HAS2: variants seen among roughly 807,000 people sequenced by gnomAD.
HAS2 encodes hyaluronan synthase 2.
Under a neutral mutation model 51.6 loss-of-function variants are expected in HAS2, and 16 were observed. The observed-to-expected ratio is 0.31, with a 90% CI of 0.21 to 0.47. The LOEUF (loss-of-function observed/expected upper bound fraction) is 0.47. Among genes scored for constraint, HAS2 ranks in the 20% least tolerant of loss-of-function variants. The pLI, the probability that HAS2 is intolerant of heterozygous loss-of-function variation, is 1.00. For synonymous variants in HAS2, 228 were observed against 235.5 expected (o/e 0.97, Z 0.29); for missense variants, 361 against 662.6 (o/e 0.54, Z 5.00).
intron 2 of HAS2, among the ~76,000 whole-genome samples, chr8:121,626,840 C>T (rs538694048): frequency 3.3e-5 from 5 of 152,276 alleles, no homozygotes; most frequent in African/African-American, 1.2e-4. Context: ...CTGAGAGTCC[C>T]AGGAGGCATC....
At chr8:121,637,997 A>G (rs1369683214) in intron 1 of HAS2, among the ~76,000 whole-genome samples, 2 of 152,208 alleles carry the variant, frequency 1.3e-5, no homozygotes, top group Non-Finnish European at 2.9e-5. Context: ...TTGTTCTTAG[A>G]CTTTGAAAGT....
chr8:121,629,424 G>A, intron 1 of HAS2, 84 bp from the exon 2 acceptor site: 3 of 1,080,388 alleles, frequency 2.8e-6, no homozygotes, highest in South Asian at 1.5e-5. Flanking sequence ...GAGAGTATTG[G>A]ACTAGAAGCA....
chr8:121,628,907 G>A lies in HAS2; in HGVS notation c.434C>T (p.Thr145Ile), dbSNP rs1272523424. The change falls in exon 2 of 4, where the codon ACT becomes ATT. Residue 145 changes from threonine (T) to isoleucine (I), a missense_variant. Physicochemically the swap from Thr to Ile is moderately conservative, Grantham distance 89. Around this residue, in one of 5 missense-constraint regions of HAS2, gnomAD observed 145 missense variants for 217.6 expected, o/e 0.67. Coordinates refer to ENST00000303924, the MANE Select transcript of HAS2 (RefSeq NM_005328.3). ...GTGGAAGTTGTTCTTCCAGATATAA[G>A]TGGCTGATTTGTCTCTGCCCATGAC... Reference protein sequence around the residue: ...SEVMGRDKSATYIWKNNFHEK... With the variant: ...SEVMGRDKSAIYIWKNNFHEK... 6.2e-7 allele frequency: 1 copy of A among 1,614,074 alleles called. No homozygotes were observed.
Position 121,636,805 on chromosome 8 carries a change from C to T in HAS2, c.-1+4048G>A, listed in dbSNP as rs1414613592. Among the ~76,000 whole-genome samples, 5 of 152,258 alleles carry T rather than the reference C, an allele frequency of 3.3e-5. No homozygotes were observed. The East Asian group carries it at 7.7e-4, about 24-fold the overall frequency. ...CCTACAGAGCCAAATGTAGCACAAA[C>T]GCCAAGTCTCTTTAGGAAATCTTTA... On this transcript the variant is annotated intron_variant, in intron 1 of 3. Coordinates refer to ENST00000303924, the MANE Select transcript of HAS2 (RefSeq NM_005328.3).
intron 2 of HAS2, among the ~76,000 whole-genome samples, chr8:121,621,806 T>C (rs1812777131): frequency 6.6e-6 from 1 of 152,174 alleles, no homozygotes; most frequent in African/African-American, 2.4e-5. Flanking sequence ...AAGTCTAAAA[T>C]GCCAAATCTC....
chr8:121,624,227 C>T (rs1381060143), intron 2 of HAS2, among the ~76,000 whole-genome samples: 1 of 152,104 alleles, frequency 6.6e-6, no homozygotes. Flanking sequence ...TTCAGCATTA[C>T]AGTTCAAGGC....
chr8:121,625,106 A>G (rs903125202), intron 2 of HAS2, among the ~76,000 whole-genome samples: 2 of 148,590 alleles, frequency 1.3e-5, no homozygotes, highest in Admixed American at 1.3e-4. Context: ...TCAAAAAAAA[A>G]AAAAAAAAAA....
At chr8:121,640,444 T>TGTGTGTGTGTGTGG (rs1491405607) in intron 1 of HAS2, among the ~76,000 whole-genome samples, 9 of 143,266 alleles carry the variant, frequency 6.3e-5, no homozygotes, top group African/African-American at 2.1e-4. Context: ...TGTGTGTGTG[T>TGTGTGTGTGTGTGG]GGGAAAAAAA....
Position 121,628,770 on chromosome 8 carries a change from T to A in HAS2, c.571A>T (p.Arg191Ter), listed in dbSNP as rs1361228894. Residue 191 changes from arginine (R) to a stop codon, truncating the protein, a stop_gained, in exon 2 of 4, where the codon AGA becomes TGA. Transcript: ENST00000303924. LOFTEE classifies it high-confidence loss of function. ...CTGAAGGCTGTGTACATGACTTCTC[T>A]TTTTCCACCCCATTTTTGCATGATG... ...ICIMQKWGGK[R>*]EVMYTAFRAL... is the part of the protein sequence containing the mutation. 6.2e-7 allele frequency: 1 copy of A among 1,614,128 alleles called. No homozygotes were observed. The highest frequency in any genetic ancestry group is 8.5e-7 in the Non-Finnish European group (1 of 1,179,962).
chr8:121,633,173 T>C (rs1031539542), intron 1 of HAS2, among the ~76,000 whole-genome samples: 2 of 148,798 alleles, frequency 1.3e-5, no homozygotes, highest in Non-Finnish European at 3.0e-5. Context: ...AGTCTTGCTC[T>C]GTCACCCAGG....
At chr8:121,617,283 A>T in intron 2 of HAS2, 77 bp from the exon 3 acceptor site, 3 of 808,954 alleles carry the variant, frequency 3.7e-6, no homozygotes, top group Non-Finnish European at 6.2e-6. Flanking sequence ...AAAATTTCAC[A>T]TACATACTGT....
In HAS2 at chr8:121,614,003, G is replaced by T; in HGVS notation, c.*106C>A. 1 of 1,566,946 alleles carries T rather than the reference G, an allele frequency of 6.4e-7. No homozygotes were observed. Reference sequence around the variant, plus strand: ...AAATGTCTTTGTTCAAGTCCCAGCAGCAGTGATATGTCTCCTTTGGTGGCA... The same window carrying T: ...AAATGTCTTTGTTCAAGTCCCAGCATCAGTGATATGTCTCCTTTGGTGGCA... On this transcript the variant is annotated 3_prime_UTR_variant, in exon 4 of 4. Coordinates refer to ENST00000303924, the MANE Select transcript of HAS2 (RefSeq NM_005328.3). This position sits in a 1 kb window ranked among gnomAD's most constrained non-coding sequence, Gnocchi z 7.2.
Position 121,629,278 on chromosome 8 carries a change from A to G in HAS2, c.63T>C (p.Ser21=). The part of the protein sequence containing the change: ...RIIGTTLFGV[S]LLLGITAAYI... ...AAGCAGCTGTGATTCCAAGGAGGAG[A>G]GAGACTCCAAAGAGTGTGGTTCCAA... Residue 21 remains serine (S), a synonymous_variant, in exon 2 of 4, where the codon TCT becomes TCC. Transcript: ENST00000303924. 1 of 1,612,192 alleles carries G rather than the reference A, an allele frequency of 6.2e-7. No individual in the cohort carries two copies.
intron 1 of HAS2, among the ~76,000 whole-genome samples, chr8:121,637,541 C>G (rs1004955330): frequency 6.6e-6 from 1 of 152,018 alleles, no homozygotes; most frequent in Non-Finnish European, 1.5e-5. Context: ...CAGGTGGCCA[C>G]CACCACACCT....
In HAS2 at chr8:121,613,074, C is replaced by G. The variant is rs1194230988; in HGVS notation, c.*1035G>C. On this transcript the variant is annotated 3_prime_UTR_variant, in exon 4 of 4. Transcript: ENST00000303924. ...CAAAATTATACAGATAATTTCTCCA[C>G]TTTCCACTTGACTTGTTCTGGGAAA... 6.6e-6 allele frequency: 1 copy of G among 152,138 alleles called. No individual in the cohort carries two copies. The highest frequency in any genetic ancestry group is 1.5e-5 in the Non-Finnish European group (1 of 68,012). 9.4% of individuals were successfully genotyped at this position (152,138 alleles called of 1,614,324 possible). A position where few individuals can be genotyped will look rare whatever the true frequency, so the allele number is the denominator to read the frequency against.
intron 2 of HAS2, among the ~76,000 whole-genome samples, chr8:121,623,375 T>C (rs551757545): frequency 3.0e-4 from 45 of 152,188 alleles, no homozygotes; most frequent in African/African-American, 1.1e-3. Flanking sequence ...CCTCTAAGGC[T>C]TAAACCATGA....
rs962415696 is a variant in HAS2, at chr8:121,629,232, T to A, written c.109A>T (p.Ile37Phe). 3.1e-6 allele frequency: 5 copies of A among 1,614,018 alleles called. No individual in the cohort carries two copies. Among genetic ancestry groups the A allele is most frequent in the Non-Finnish European group, 4.2e-6 (5 of 1,179,880 alleles). ...TAAYIVGYQF[I>F]QTDNYYFSFG... ...GAGAAATAGTAATTATCCGTTTGGA[T>A]AAACTGGTAGCCAACAATATAAGCA... The change falls in exon 2 of 4, where the codon ATC becomes TTC. Residue 37 changes from isoleucine (I) to phenylalanine (F), a missense_variant. By Grantham distance (21) the Ile-to-Phe change is conservative (BLOSUM62 0). Around this residue, in one of 5 missense-constraint regions of HAS2, gnomAD observed 145 missense variants for 217.6 expected, o/e 0.67. Coordinates refer to ENST00000303924, the MANE Select transcript of HAS2 (RefSeq NM_005328.3).
In HAS2 at chr8:121,617,138, ATCT is replaced by A. The variant is rs1404533650; in HGVS notation, c.693_695del (p.Glu231del). On this transcript the variant is annotated inframe_deletion, in exon 3 of 4. Transcript: ENST00000303924. ...CTCCCCCAACACCTCCAACCATGGG[ATCT>A]TCTTCTAAAACTTTTACCATCTCCA... is the stretch of plus-strand genomic sequence containing the variant. 5 of 1,610,852 alleles carry A rather than the reference ATCT, an allele frequency of 3.1e-6. No homozygotes were observed. In the African/African-American group the frequency reaches 4.0e-5, roughly 13 times the overall value.
chr8:121,638,721 A>T (rs1813046156), intron 1 of HAS2, among the ~76,000 whole-genome samples: 1 of 152,208 alleles, frequency 6.6e-6, no homozygotes, highest in Admixed American at 6.5e-5. Flanking sequence ...CTTTTGGTGG[A>T]GTATGATGGG....
Sources: gnomAD v4.1 joint callset for allele counts (sites outside exome capture counted in the v4.1 genomes callset) on GRCh38, gnomAD v4.1.1 for gene constraint, gnomAD v4.1.1 regional missense constraint, Gnocchi (gnomAD v3.1) non-coding constraint, MANE v1.5 for transcripts, NCBI Gene and HGNC (gene_info 2026-07-23, HGNC 2026-07-21) for gene names.